Variants in SPAG1 observed in about 807,000 individuals in gnomAD.
The protein encoded by SPAG1 is sperm-associated antigen 1.
A neutral mutation model predicts 100.5 loss-of-function variants in SPAG1; 69 were observed. The observed-to-expected ratio is 0.69, with a 90% CI of 0.57 to 0.84. The LOEUF (loss-of-function observed/expected upper bound fraction) is 0.84, where lower values mean the gene tolerates loss of function less well. Ranked by LOEUF, SPAG1 falls within the 40% of genes least tolerant of loss-of-function variation. The pLI, the probability that SPAG1 is intolerant of heterozygous loss-of-function variation, is 0.00. For synonymous variants in SPAG1, 336 were observed against 411.6 expected (o/e 0.82, Z 2.22); for missense variants, 955 against 1,133.1 (o/e 0.84, Z 2.26).
At position 100,230,312 on chromosome 8, in the gene SPAG1, C is replaced by T. The variant is rs530907566; in HGVS notation, c.1856-844C>T. ...GCAAAACACTGTGGATATTTGTATC[C>T]CATTTCATTGACTGGTTCTGTCGTA... On this transcript the variant is annotated intron_variant, in intron 14 of 18. Coordinates refer to ENST00000388798, the MANE Select transcript of SPAG1 (RefSeq NM_003114.5). Among the ~76,000 whole-genome samples the T allele has an allele frequency of 2.0e-5, 3 of 152,274 alleles. No individual in the cohort carries two copies. The South Asian group carries it at 6.2e-4, about 32-fold the overall frequency.
Position 100,165,824 on chromosome 8 carries a change from G to A in SPAG1, c.151G>A (p.Glu51Lys). Residue 51 changes from glutamate (E) to lysine (K), a missense_variant, in exon 3 of 19, where the codon GAA becomes AAA. Glu to Lys is a moderately conservative substitution (Grantham distance 56, BLOSUM62 1). Coordinates refer to ENST00000388798, the MANE Select transcript of SPAG1 (RefSeq NM_003114.5). ...KILCVLRSGE[E>K]GYYPELTEFC... is the part of the protein sequence containing the mutation. The stretch of plus-strand genomic sequence containing the variant: ...TTATTTCTTTTTAAGATCTGGTGAG[G>A]AAGGATATTATCCTGAACTTACAGA... 2 of 1,611,678 alleles carry A rather than the reference G, an allele frequency of 1.2e-6. No homozygotes were observed. The highest frequency in any genetic ancestry group is 8.5e-7 in the Non-Finnish European group (1 of 1,179,076).
chr8:100,181,704 T>TC (rs1235745157), intron 4 of SPAG1, among the ~76,000 whole-genome samples: 2 of 152,192 alleles, frequency 1.3e-5, no homozygotes, highest in African/African-American at 4.8e-5. Flanking sequence ...ACCACCAGCT[T>TC]CCTTCTATTG....
intron 13 of SPAG1, among the ~76,000 whole-genome samples, chr8:100,221,054 C>T (rs1055347304): frequency 3.3e-5 from 5 of 151,030 alleles, no homozygotes; most frequent in Non-Finnish European, 7.4e-5. Context: ...GCCTGGACAA[C>T]GGAGCAAGAT....
At position 100,216,592 on chromosome 8, in the gene SPAG1, AGCTGTTTTCTAG is replaced by A. The variant is rs1197910283; in HGVS notation, c.1535+2677_1535+2688del. On this transcript the variant is annotated intron_variant, in intron 12 of 18. Coordinates refer to ENST00000388798, the MANE Select transcript of SPAG1 (RefSeq NM_003114.5). ...TTAGGTAGGTTGTGCTAACCTTAAG[AGCTGTTTTCTAG>A]GCAAGGAACCTGGCCTTGCTGGTTG... Among the ~76,000 whole-genome samples, 20 of 152,154 alleles carry A rather than the reference AGCTGTTTTCTAG, an allele frequency of 1.3e-4. 1 individual carries two copies. Among genetic ancestry groups the A allele is most frequent in the African/African-American group, 4.3e-4 (18 of 41,520 alleles).
rs1563800697 is a variant in SPAG1 at position 100,213,335 on chromosome 8, C to T, written c.1342C>T (p.Leu448=). Residue 448 remains leucine (L), a synonymous_variant, in exon 11 of 19, where the codon CTG becomes TTG. Transcript: ENST00000388798. ...GCAGGGCGCGGAGAACCCTGCCGGC[C>T]TGAAGAGCCAGGGCAACGAGCTGTT... is the stretch of plus-strand genomic sequence containing the variant. The part of the protein sequence containing the change: ...GGQGAENPAG[L]KSQGNELFRS... The T allele has an allele frequency of 1.5e-6, 2 of 1,348,154 alleles. No individual in the cohort carries two copies. The highest frequency in any genetic ancestry group is 6.2e-5 in the East Asian group (2 of 32,438). 83.5% of individuals were successfully genotyped at this position (1,348,154 alleles called of 1,614,324 possible).
At chr8:100,209,571 G>A (rs1394049125) in intron 10 of SPAG1, among the ~76,000 whole-genome samples, 1 of 151,936 alleles carries the variant, frequency 6.6e-6, no homozygotes, top group Admixed American at 6.5e-5. Context: ...TGATAGGATT[G>A]TGTTGCATCT....
chr8:100,213,012 C>A, intron 10 of SPAG1, 78 bp from the exon 11 acceptor site: 1 of 1,230,762 alleles, frequency 8.1e-7, no homozygotes, highest in Non-Finnish European at 1.0e-6. Flanking sequence ...CGTCCTGCAC[C>A]CCCGCGGCCT....
Position 100,239,431 on chromosome 8 carries a change from G to GT in SPAG1, c.2280+28dup, listed in dbSNP as rs777821963. The GT allele has an allele frequency of 6.5e-5, 93 of 1,427,164 alleles. No individual in the cohort carries two copies. The highest frequency in any genetic ancestry group is 9.1e-5 in the Non-Finnish European group (92 of 1,012,322). The allele number at this position is 1,427,164 out of a possible 1,614,324, so 88.4% of individuals were successfully genotyped here. A position where few individuals can be genotyped will look rare whatever the true frequency, so the allele number is the denominator to read the frequency against. ...TATTTGTATTTGATTATCTTTGAAA[G>GT]TACTCCTTTGGGGACCTTAGACTGG... is the stretch of plus-strand genomic sequence containing the variant. On this transcript the variant is annotated intron_variant, in intron 17 of 18. Transcript: ENST00000388798. This position sits in a 1 kb window ranked among gnomAD's most constrained non-coding sequence, Gnocchi z 5.0.
intron 16 of SPAG1, among the ~76,000 whole-genome samples, chr8:100,235,018 T>C (rs1180303557): frequency 2.0e-5 from 3 of 152,192 alleles, no homozygotes; most frequent in Non-Finnish European, 4.4e-5. Flanking sequence ...GGGAGAAGTA[T>C]GTTAGCTGCT....
chr8:100,225,055 GT>G, intron 13 of SPAG1, 117 bp from the exon 14 acceptor site: 1 of 666,566 alleles, frequency 1.5e-6, no homozygotes, highest in Non-Finnish European at 2.6e-6. Context: ...AGGATTGCAT[GT>G]TTTCTACAAG....
chr8:100,214,948 C>G (rs1366743843), intron 12 of SPAG1, among the ~76,000 whole-genome samples: 1 of 132,686 alleles, frequency 7.5e-6, no homozygotes, highest in Non-Finnish European at 1.6e-5. Flanking sequence ...CCACTGCAGT[C>G]CAGCCTGGGC....
chr8:100,202,897 A>C (rs1240617602), intron 10 of SPAG1, among the ~76,000 whole-genome samples: 2 of 152,006 alleles, frequency 1.3e-5, no homozygotes, highest in Admixed American at 1.3e-4. Context: ...GCAGTGGCTC[A>C]TGCCTGTAAT....
chr8:100,165,921 C>T lies in SPAG1; in HGVS notation c.248C>T (p.Thr83Ile). Residue 83 changes from threonine to isoleucine, a missense_variant, in exon 3 of 19, where the codon ACA (threonine) becomes ATA (isoleucine). Transcript: ENST00000388798. ...RALRKDKPAA[T>I]AASFTAEEWE... ...TTGAGGAAAGATAAACCAGCAGCAA[C>T]AGCAGCCAGTTTTACAGCTGAAGAA... is the stretch of plus-strand genomic sequence containing the variant. 2 of 1,614,168 alleles carry T rather than the reference C, an allele frequency of 1.2e-6. No individual in the cohort carries two copies. The highest frequency in any genetic ancestry group is 2.2e-5 in the South Asian group (2 of 91,074).
intron 14 of SPAG1, among the ~76,000 whole-genome samples, chr8:100,228,719 G>C (rs1349094896): frequency 6.6e-6 from 1 of 151,274 alleles, no homozygotes. Context: ...TCTCAAAAAA[G>C]AATAATAATA....
In SPAG1 at chr8:100,240,907, T is replaced by C. The variant is rs920348320; in HGVS notation, c.2666T>C (p.Ile889Thr). 3.8e-6 allele frequency: 6 copies of C among 1,598,912 alleles called. No individual in the cohort carries two copies. Among genetic ancestry groups the C allele is most frequent in the Non-Finnish European group, 3.4e-6 (4 of 1,172,670 alleles). Residue 889 changes from isoleucine (I) to threonine (T), a missense_variant, in exon 19 of 19, where the codon ATT becomes ACT. Coordinates refer to ENST00000388798, the MANE Select transcript of SPAG1 (RefSeq NM_003114.5). ...TTCTTTTAGATGATGTTGACACTAA[T>C]TAGCAAGGGCCAAAAGGAGCTAATT... ...AERFKMMLTL[I>T]SKGQKELIEQ...
At chr8:100,231,786 C>T (rs1355607889) in intron 15 of SPAG1, among the ~76,000 whole-genome samples, 4 of 152,112 alleles carry the variant, frequency 2.6e-5, no homozygotes, top group African/African-American at 9.6e-5. Flanking sequence ...GGTGAAACCC[C>T]GTCTCTACTA....
intron 16 of SPAG1, among the ~76,000 whole-genome samples, chr8:100,234,526 A>G (rs1818916275): frequency 6.6e-6 from 1 of 152,214 alleles, no homozygotes; most frequent in African/African-American, 2.4e-5. Flanking sequence ...AATGGACTCT[A>G]CTGTTTGGCT....
At chr8:100,217,617 C>G (rs1818063618) in intron 12 of SPAG1, among the ~76,000 whole-genome samples, 1 of 152,108 alleles carries the variant, frequency 6.6e-6, no homozygotes, top group Non-Finnish European at 1.5e-5. Flanking sequence ...TTAAAATACT[C>G]ATAATTGTTT....
At position 100,178,029 on chromosome 8, in the gene SPAG1, C is replaced by T; in HGVS notation, c.426+88C>T. 3 of 1,114,928 alleles carry T rather than the reference C, an allele frequency of 2.7e-6. No individual in the cohort carries two copies. In the African/African-American group the frequency reaches 4.7e-5, roughly 17 times the overall value. The allele number at this position is 1,114,928 out of a possible 1,614,324, so 69.1% of individuals were successfully genotyped here. On this transcript the variant is annotated intron_variant, in intron 4 of 18. Coordinates refer to ENST00000388798, the MANE Select transcript of SPAG1 (RefSeq NM_003114.5). The stretch of plus-strand genomic sequence containing the variant: ...GCAATCTCAGTTTAATTGGAGCAGC[C>T]TATGTGTGATGTCCTCTAGGAGAAT...
Sources: allele counts gnomAD v4.1 joint callset (sites outside exome capture counted in the v4.1 genomes callset), GRCh38; gene constraint gnomAD v4.1.1; non-coding constraint Gnocchi (gnomAD v3.1); transcripts MANE v1.5; gene names NCBI Gene and HGNC (gene_info 2026-07-23, HGNC 2026-07-21).